PLCB1: variants seen among roughly 807,000 people sequenced by gnomAD.
The protein encoded by PLCB1 is 1-phosphatidylinositol 4,5-bisphosphate phosphodiesterase beta-1.
In PLCB1, 46 loss-of-function variants were observed where a neutral mutation model predicts 161.8. That is an observed-to-expected ratio of 0.28 (90% confidence interval 0.22 to 0.36). The LOEUF (loss-of-function observed/expected upper bound fraction) is 0.36, where lower values mean the gene tolerates loss of function less well. PLCB1 is among the 10% of genes least tolerant of loss of function. The pLI, the probability that PLCB1 is intolerant of heterozygous loss-of-function variation, is 1.00. For synonymous variants in PLCB1, 517 were observed against 503.7 expected, an observed-to-expected ratio of 1.03 and a Z score of -0.35; for missense variants, 1,016 against 1,472.5, an observed-to-expected ratio of 0.69 and a Z score of 5.07.
At chr20:8,585,518 A>C (rs1455793810) in intron 3 of PLCB1, among the ~76,000 whole-genome samples, 1 of 152,210 alleles carries the variant, frequency 6.6e-6, no homozygotes, top group Non-Finnish European at 1.5e-5. Flanking sequence ...ATAATACTAA[A>C]CAGCTTCCAG....
rs765638834 is a variant in PLCB1 at position 8,727,402 on chromosome 20, G to C, written c.1763+9G>C. ...CCAGTGGAATTTGTAGAGTATCCTT[G>C]ATTTGACGAATGACTGCAGAATGAA... On this transcript the variant is annotated intron_variant, in intron 17 of 31. Transcript: ENST00000338037. 1 of 1,450,800 alleles carries C rather than the reference G, an allele frequency of 6.9e-7. No homozygotes were observed. Among genetic ancestry groups the C allele is most frequent in the African/African-American group, 1.4e-5 (1 of 71,488 alleles). The allele number at this position is 1,450,800 out of a possible 1,614,324, so 89.9% of individuals were successfully genotyped here. A position where few individuals can be genotyped will look rare whatever the true frequency, so the allele number is the denominator to read the frequency against.
chr20:8,778,187 G>A (rs1983038232), intron 27 of PLCB1, among the ~76,000 whole-genome samples: 1 of 152,140 alleles, frequency 6.6e-6, no homozygotes, highest in African/African-American at 2.4e-5. Flanking sequence ...GGCAGAGTGA[G>A]AGGGAAGCCT....
chr20:8,621,810 T>C (rs903600399), intron 3 of PLCB1, among the ~76,000 whole-genome samples: 1 of 152,196 alleles, frequency 6.6e-6, no homozygotes, highest in Non-Finnish European at 1.5e-5. Context: ...TTTACACCAT[T>C]TTATAAAACT....
intron 3 of PLCB1, among the ~76,000 whole-genome samples, chr20:8,477,777 A>T (rs1220235995): frequency 2.0e-5 from 3 of 152,192 alleles, no homozygotes; most frequent in Non-Finnish European, 4.4e-5. Context: ...CTCACTCATC[A>T]CCAGGGCGAT....
intron 3 of PLCB1, among the ~76,000 whole-genome samples, chr20:8,390,609 A>G (rs1987558950): frequency 6.6e-6 from 1 of 152,204 alleles, no homozygotes; most frequent in Non-Finnish European, 1.5e-5. Context: ...CTTTATAATC[A>G]ATACAATGGT....
chr20:8,550,977 A>G (rs1269818325), intron 3 of PLCB1, among the ~76,000 whole-genome samples: 3 of 152,206 alleles, frequency 2.0e-5, no homozygotes, highest in African/African-American at 7.2e-5. Flanking sequence ...AACAGGAATG[A>G]CAGGCATTAA....
chr20:8,531,825 A>G (rs1204051784), intron 3 of PLCB1, among the ~76,000 whole-genome samples: 1 of 152,102 alleles, frequency 6.6e-6, no homozygotes. Context: ...ATCAGAAATA[A>G]AAAATTGTTT....
chr20:8,456,530 C>A (rs1304363424), intron 3 of PLCB1, among the ~76,000 whole-genome samples: 1 of 151,948 alleles, frequency 6.6e-6, no homozygotes, highest in African/African-American at 2.4e-5. Context: ...GTATTTCCTG[C>A]TTTTAATAAA....
At chr20:8,517,692 T>C (rs1984189118) in intron 3 of PLCB1, among the ~76,000 whole-genome samples, 1 of 152,216 alleles carries the variant, frequency 6.6e-6, no homozygotes, top group African/African-American at 2.4e-5. Flanking sequence ...GGGGCTCAGA[T>C]GTTCCTCATG....
At chr20:8,642,883 A>G (rs62195774) in intron 4 of PLCB1, among the ~76,000 whole-genome samples, 20,598 of 152,268 alleles carry the variant, frequency 0.14, 1,729 homozygotes, top group Non-Finnish European at 0.18. Flanking sequence ...GAAAGTTGGC[A>G]TGGAGCTAGA....
chr20:8,215,225 C>T (rs980266493), intron 2 of PLCB1, among the ~76,000 whole-genome samples: 1 of 151,970 alleles, frequency 6.6e-6, no homozygotes, highest in African/African-American at 2.4e-5. Flanking sequence ...AAAGCCAACC[C>T]ATAAGCACCC....
intron 31 of PLCB1, among the ~76,000 whole-genome samples, chr20:8,870,453 A>C (rs1264724727): frequency 1.3e-5 from 2 of 152,206 alleles, no homozygotes; most frequent in Non-Finnish European, 2.9e-5. Flanking sequence ...GGAGGTATAA[A>C]AGCATGGACT....
intron 18 of PLCB1, among the ~76,000 whole-genome samples, chr20:8,731,587 G>A (rs998694953): frequency 6.6e-6 from 1 of 151,910 alleles, no homozygotes; most frequent in Non-Finnish European, 1.5e-5. Context: ...TTAGAAGTTG[G>A]TATTGAATGT....
chr20:8,559,286 T>C (rs1482365521), intron 3 of PLCB1, among the ~76,000 whole-genome samples: 1 of 151,956 alleles, frequency 6.6e-6, no homozygotes, highest in Non-Finnish European at 1.5e-5. Flanking sequence ...TTTAAGATGT[T>C]AGTTGTAATC....
At chr20:8,376,927 C>CA (rs113346186) in intron 3 of PLCB1, among the ~76,000 whole-genome samples, 3,583 of 133,930 alleles carry the variant, frequency 0.027, 131 homozygotes, top group African/African-American at 0.078. Context: ...GACTCCATCT[C>CA]AAAAAAAAAA....
intron 1 of PLCB1, among the ~76,000 whole-genome samples, chr20:8,144,052 G>T (rs1227350149): frequency 6.6e-6 from 1 of 152,162 alleles, no homozygotes; most frequent in Non-Finnish European, 1.5e-5. Context: ...ATTGCTCCCA[G>T]TTGAGAACCA....
chr20:8,586,922 C>T (rs766400034), intron 3 of PLCB1, among the ~76,000 whole-genome samples: 14 of 152,046 alleles, frequency 9.2e-5, no homozygotes, highest in Non-Finnish European at 1.6e-4. Flanking sequence ...ATGGAATCTG[C>T]GAGATAGAAA....
At chr20:8,334,150 G>A (rs541952833) in intron 2 of PLCB1, among the ~76,000 whole-genome samples, 278 of 151,844 alleles carry the variant, frequency 1.8e-3, no homozygotes, top group South Asian at 9.4e-3. Flanking sequence ...TGGAGGTTGC[G>A]ATGAGCCGCG....
chr20:8,230,553 T>A (rs6055678), intron 2 of PLCB1, among the ~76,000 whole-genome samples: 48,856 of 152,066 alleles, frequency 0.32, 11,431 homozygotes, highest in African/African-American at 0.67. Flanking sequence ...ACCACTAATC[T>A]TTCCATAGCT....
Sources: allele counts gnomAD v4.1 joint callset (sites outside exome capture counted in the v4.1 genomes callset), GRCh38; gene constraint gnomAD v4.1.1; transcripts MANE v1.5; gene names NCBI Gene and HGNC (gene_info 2026-07-23, HGNC 2026-07-21).